The following CAPRIN1 variants were observed in gnomAD, a reference collection of about 807,000 sequenced individuals.
CAPRIN1 encodes cell cycle associated protein 1.
CAPRIN1 carries 29 observed loss-of-function variants against 100.9 expected under a neutral mutation model. The observed-to-expected ratio is 0.29, with a 90% CI of 0.21 to 0.39. The LOEUF (loss-of-function observed/expected upper bound fraction) is 0.39. Among genes scored for constraint, CAPRIN1 ranks in the 10% least tolerant of loss-of-function variants. The probability of loss-of-function intolerance (pLI) is 1.00; values close to 1 mark genes in which losing one functional copy is unlikely to be tolerated. For missense variants in CAPRIN1, 795 were observed against 876.7 expected (o/e 0.91, Z 1.18); for synonymous variants, 338 against 307.5 (o/e 1.10, Z -1.04).
At chr11:34,086,634 A>C (rs981866992) in intron 11 of CAPRIN1, among the ~76,000 whole-genome samples, 1 of 152,260 alleles carries the variant, frequency 6.6e-6, no homozygotes, top group Admixed American at 6.5e-5. Context: ...ATGTAGATAT[A>C]GAAAAATATA....
At chr11:34,069,111 A>G (rs1226570858) in intron 2 of CAPRIN1, among the ~76,000 whole-genome samples, 1 of 145,690 alleles carries the variant, frequency 6.9e-6, no homozygotes, top group Non-Finnish European at 1.5e-5. Context: ...TAATATTATT[A>G]TTTTGGAATA....
chr11:34,082,434 C>CT (rs1476700618), intron 7 of CAPRIN1, among the ~76,000 whole-genome samples: 1 of 152,194 alleles, frequency 6.6e-6, no homozygotes, highest in African/African-American at 2.4e-5. Flanking sequence ...GGTGATCCAC[C>CT]TGTCTTGGCC....
At chr11:34,089,020 G>A (rs181107948) in intron 11 of CAPRIN1, among the ~76,000 whole-genome samples, 1 of 152,008 alleles carries the variant, frequency 6.6e-6, no homozygotes, top group African/African-American at 2.4e-5. Flanking sequence ...TATAATCCCA[G>A]CACTTTGGGA....
At chr11:34,090,482 C>T (rs1243170350) in intron 13 of CAPRIN1, 47 bp from the exon 14 acceptor site, 2 of 1,588,514 alleles carry the variant, frequency 1.3e-6, no homozygotes, top group Admixed American at 3.4e-5. Context: ...TTTTGTTTGG[C>T]TAAGTTTAGT....
At position 34,079,631 on chromosome 11, in the gene CAPRIN1, A is replaced by G; in HGVS notation, c.692A>G (p.Lys231Arg). 1.2e-6 allele frequency: 2 copies of G among 1,613,078 alleles called. No individual in the cohort carries two copies. The highest frequency in any genetic ancestry group is 1.3e-5 in the African/African-American group (1 of 75,002). ...TAATTCATGTTCTTTTTCTTAGATA[A>G]AGTTCTAAAGGAAATTGTTGAGCGT... ...KEKPVCGTTY[K>R]VLKEIVERVF... Residue 231 changes from lysine to arginine, a missense_variant, in exon 7 of 19, where the codon AAA becomes AGA. Physicochemically the swap from Lys to Arg is conservative, Grantham distance 26. Coordinates refer to ENST00000341394, the MANE Select transcript of CAPRIN1 (RefSeq NM_005898.5).
intron 2 of CAPRIN1, among the ~76,000 whole-genome samples, chr11:34,059,184 G>A (rs1368826757): frequency 1.3e-5 from 2 of 151,956 alleles, no homozygotes; most frequent in African/African-American, 4.8e-5. Flanking sequence ...GAAAGGGGAG[G>A]GTGTGCTTCT....
At position 34,078,501 on chromosome 11, in the gene CAPRIN1, T is replaced by G. The variant is rs552215312; in HGVS notation, c.689-1127T>G. On this transcript the variant is annotated intron_variant, in intron 6 of 18. Coordinates refer to ENST00000341394, the MANE Select transcript of CAPRIN1 (RefSeq NM_005898.5). ...TTTGAATATCTTTCGATTGTCTACT[T>G]TTTTCTCTTCTACTTTTATACCTTT... is the stretch of plus-strand genomic sequence containing the variant. Among the ~76,000 whole-genome samples the G allele has an allele frequency of 1.5e-3, 227 of 152,340 alleles. 2 individuals carry two copies. Among genetic ancestry groups the G allele is most frequent in the African/African-American group, 5.3e-3 (220 of 41,570 alleles).
intron 2 of CAPRIN1, among the ~76,000 whole-genome samples, chr11:34,068,351 T>C (rs1850740054): frequency 6.6e-6 from 1 of 152,228 alleles, no homozygotes. Context: ...GTACTCTTGG[T>C]TGAAGCTCAC....
intron 2 of CAPRIN1, chr11:34,053,020 AAG>A (rs1323307506): frequency 1.9e-6 from 2 of 1,040,518 alleles, no homozygotes; most frequent in African/African-American, 3.5e-5. Flanking sequence ...GCCCAAAATG[AAG>A]AGGTCCCTGC....
chr11:34,067,277 C>G (rs575708843), intron 2 of CAPRIN1, among the ~76,000 whole-genome samples: 186 of 152,160 alleles, frequency 1.2e-3, no homozygotes, highest in Non-Finnish European at 2.5e-3. Flanking sequence ...ATTCAGTTCG[C>G]TGGGTATAAG....
In CAPRIN1 at chr11:34,090,578, C is replaced by T. The variant is rs1408357307; in HGVS notation, c.1454C>T (p.Pro485Leu). Reference protein sequence around the residue: ...TDQTTASSSLPAASQPQVFQA... With the variant: ...TDQTTASSSLLAASQPQVFQA... ...CAGACTACAGCATCATCATCCCTTC[C>T]TGCTGCGTCTCAGCCTCAAGTATTT... Residue 485 changes from proline (P) to leucine (L), a missense_variant, in exon 14 of 19, where the codon CCT becomes CTT. Around this residue, in one of 3 missense-constraint regions of CAPRIN1, gnomAD observed 648 missense variants for 697.9 expected, o/e 0.93. Transcript: ENST00000341394. The T allele has an allele frequency of 6.2e-7, 1 of 1,614,156 alleles. No individual in the cohort carries two copies. The highest frequency in any genetic ancestry group is 8.5e-7 in the Non-Finnish European group (1 of 1,179,984).
intron 1 of CAPRIN1, 146 bp from the exon 2 acceptor site, chr11:34,052,275 C>A: frequency 3.0e-6 from 2 of 669,776 alleles, no homozygotes; most frequent in Non-Finnish European, 2.5e-6. Flanking sequence ...TTCCTGCCCT[C>A]GAGGCGCGCC....
At chr11:34,072,074 T>C in intron 4 of CAPRIN1, 87 bp downstream of exon 4, 1 of 805,158 alleles carries the variant, frequency 1.2e-6, no homozygotes, top group Non-Finnish European at 2.0e-6. Flanking sequence ...ATAAGCTCTC[T>C]GCAAGGTGAG....
chr11:34,091,310 A>G (rs1272790966), intron 14 of CAPRIN1, among the ~76,000 whole-genome samples: 1 of 152,158 alleles, frequency 6.6e-6, no homozygotes, highest in Non-Finnish European at 1.5e-5. Context: ...TTTTTGAGAC[A>G]AAGTCTTGCT....
chr11:34,076,214 T>G, intron 4 of CAPRIN1, 22 bp from the exon 5 acceptor site: 1 of 1,575,854 alleles, frequency 6.3e-7, no homozygotes, highest in Non-Finnish European at 8.7e-7. Flanking sequence ...TTTTGGTGTT[T>G]TACTTTTATA....
intron 2 of CAPRIN1, chr11:34,062,958 T>TA (rs1850612325): frequency 6.6e-6 from 1 of 152,192 alleles, no homozygotes; most frequent in Non-Finnish European, 1.5e-5. Flanking sequence ...TTTTGGAGTT[T>TA]ATCATCTCTC....
chr11:34,052,129 CGCCTCCGGCGCGA>C (rs1850321082), intron 1 of CAPRIN1: 1 of 150,544 alleles, frequency 6.6e-6, no homozygotes, highest in Non-Finnish European at 1.5e-5. Flanking sequence ...GGCGATGCCC[CGCCTCCGGCGCGA>C]GCCTCGGAGC....
chr11:34,081,860 G>A (rs1851037675), intron 7 of CAPRIN1, among the ~76,000 whole-genome samples: 1 of 152,066 alleles, frequency 6.6e-6, no homozygotes, highest in Admixed American at 6.5e-5. Context: ...CACCCAGGCT[G>A]GAGTGCAGTG....
At chr11:34,098,759 A>G (rs1851408617) in intron 18 of CAPRIN1, 2 of 985,278 alleles carry the variant, frequency 2.0e-6, no homozygotes, top group African/African-American at 3.5e-5. Context: ...ATAGCTAAAA[A>G]TCTGTTTTAA....
Sources: allele counts gnomAD v4.1 joint callset (sites outside exome capture counted in the v4.1 genomes callset), GRCh38; gene constraint gnomAD v4.1.1; regional missense constraint gnomAD v4.1.1; transcripts MANE v1.5; gene names NCBI Gene and HGNC (gene_info 2026-07-23, HGNC 2026-07-21).